Variants in ANKFN1 observed in about 807,000 individuals in gnomAD.
The protein encoded by ANKFN1 is ankyrin repeat and fibronectin type III domain containing 1, also known as ankyrin repeat and fibronectin type-III domain-containing protein 1.
In ANKFN1, 74 loss-of-function variants were observed where a neutral mutation model predicts 108.7. The ratio of observed to expected loss-of-function variants is 0.68; its 90% CI spans 0.56 to 0.83. ANKFN1 has a LOEUF of 0.83. ANKFN1 is among the 40% of genes least tolerant of loss of function. The probability of loss-of-function intolerance (pLI) is 0.00; values close to 1 mark genes in which losing one functional copy is unlikely to be tolerated. For synonymous variants in ANKFN1, 547 were observed against 516.2 expected, an observed-to-expected ratio of 1.06 and a Z score of -0.81; for missense variants, 1,505 against 1,382.3, an observed-to-expected ratio of 1.09 and a Z score of -1.41.
intron 1 of ANKFN1, among the ~76,000 whole-genome samples, chr17:56,199,425 A>G (rs1456271443): frequency 6.6e-6 from 1 of 152,052 alleles, no homozygotes; most frequent in Non-Finnish European, 1.5e-5. Context: ...CTCTTTTCCA[A>G]TACGCAAAGG....
intron 4 of ANKFN1, among the ~76,000 whole-genome samples, chr17:56,082,681 T>A (rs993352346): frequency 6.6e-6 from 1 of 152,194 alleles, no homozygotes; most frequent in Non-Finnish European, 1.5e-5. Context: ...ATCAAAAGTA[T>A]GTTGAGTGCC....
intron 1 of ANKFN1, among the ~76,000 whole-genome samples, chr17:56,210,057 GATAC>G (rs1179770294): frequency 9.0e-5 from 11 of 122,170 alleles, no homozygotes; most frequent in African/African-American, 1.2e-4. Context: ...TAGATAGATA[GATAC>G]ATAGATAGAT....
intron 3 of ANKFN1, among the ~76,000 whole-genome samples, chr17:56,305,842 G>C (rs985352368): frequency 6.6e-6 from 1 of 152,098 alleles, no homozygotes; most frequent in African/African-American, 2.4e-5. Context: ...TTAAGTTGAG[G>C]GTTGTTTTTT....
chr17:56,156,191 T>A (rs1338259966), intron 1 of ANKFN1, among the ~76,000 whole-genome samples: 1 of 151,904 alleles, frequency 6.6e-6, no homozygotes, highest in Non-Finnish European at 1.5e-5. Flanking sequence ...GCAATTCTCA[T>A]GCCTCAACCT....
In ANKFN1 at chr17:56,374,793, G is replaced by A. The variant is rs568260943; in HGVS notation, c.910+79G>A. 10 of 1,196,856 alleles carry A rather than the reference G, an allele frequency of 8.4e-6. No individual in the cohort carries two copies. In the East Asian group the frequency reaches 2.0e-4, roughly 24 times the overall value. 74.1% of individuals were successfully genotyped at this position (1,196,856 alleles called of 1,614,324 possible). On this transcript the variant is annotated intron_variant, in intron 8 of 20. Coordinates refer to ENST00000682825, the MANE Select transcript of ANKFN1 (RefSeq NM_001370326.1). ...TTTGAGAATCAATAGTGCATTTTGTGTGTTTGTTTTTCCTACTGATAGGAA... is the reference window on the plus strand; with the variant it reads ...TTTGAGAATCAATAGTGCATTTTGTATGTTTGTTTTTCCTACTGATAGGAA...
intron 4 of ANKFN1, among the ~76,000 whole-genome samples, chr17:56,050,687 A>C (rs1904759604): frequency 6.6e-6 from 1 of 151,820 alleles, no homozygotes; most frequent in East Asian, 1.9e-4. Flanking sequence ...AGGTTTGTCA[A>C]AGATCAGATA....
chr17:56,185,497 G>A (rs1411080308), intron 1 of ANKFN1, among the ~76,000 whole-genome samples: 1 of 152,264 alleles, frequency 6.6e-6, no homozygotes, highest in Admixed American at 6.5e-5. Flanking sequence ...GAATGGGTCA[G>A]AGCAGGGCTG....
At chr17:56,449,982 G>A (rs1174459321) in intron 11 of ANKFN1, among the ~76,000 whole-genome samples, 1 of 152,202 alleles carries the variant, frequency 6.6e-6, no homozygotes, top group Non-Finnish European at 1.5e-5. Flanking sequence ...TTGGGACAGG[G>A]TCAGATTTCT....
At chr17:56,223,957 T>A (rs1427180518) in intron 2 of ANKFN1, among the ~76,000 whole-genome samples, 1 of 152,246 alleles carries the variant, frequency 6.6e-6, no homozygotes, top group Non-Finnish European at 1.5e-5. Flanking sequence ...TATTTTACAG[T>A]TGAAGGCCTT....
chr17:56,502,995 C>T (rs2051423296), intron 20 of ANKFN1, among the ~76,000 whole-genome samples: 1 of 152,196 alleles, frequency 6.6e-6, no homozygotes, highest in African/African-American at 2.4e-5. Context: ...AAGCATCTCT[C>T]AAGGACCCAA....
At chr17:56,465,915 A>G (rs2050056928) in intron 14 of ANKFN1, among the ~76,000 whole-genome samples, 1 of 152,200 alleles carries the variant, frequency 6.6e-6, no homozygotes, top group Admixed American at 6.5e-5. Flanking sequence ...TCTTCATTTT[A>G]AACAACCCCA....
intron 1 of ANKFN1, among the ~76,000 whole-genome samples, chr17:56,209,959 G>T (rs1447837493): frequency 6.6e-6 from 1 of 151,996 alleles, no homozygotes; most frequent in Non-Finnish European, 1.5e-5. Flanking sequence ...TAGAATAATG[G>T]TCTCCAGTTC....
At chr17:56,317,152 C>A (rs924433897) in intron 3 of ANKFN1, among the ~76,000 whole-genome samples, 1 of 152,106 alleles carries the variant, frequency 6.6e-6, no homozygotes, top group Non-Finnish European at 1.5e-5. Flanking sequence ...TGCTCTATGG[C>A]TTCTTGACAT....
intron 3 of ANKFN1, among the ~76,000 whole-genome samples, chr17:56,246,128 T>G (rs984281848): frequency 2.0e-5 from 3 of 152,126 alleles, no homozygotes; most frequent in Admixed American, 1.3e-4. Flanking sequence ...CAGTAGGAGT[T>G]ACAATGTGAT....
chr17:56,323,368 T>C (rs2045424126), intron 3 of ANKFN1: 1 of 152,646 alleles, frequency 6.6e-6, no homozygotes, highest in African/African-American at 2.4e-5. Flanking sequence ...AAGACTGTGA[T>C]CATTTAACTC....
chr17:56,229,661 C>CAA (rs58714064), intron 3 of ANKFN1, among the ~76,000 whole-genome samples: 516 of 40,036 alleles, frequency 0.013, 12 homozygotes, highest in African/African-American at 0.026. Flanking sequence ...TTTCAGATTG[C>CAA]AAAAAAAAAA....
At position 56,511,269 on chromosome 17, in the gene ANKFN1, G is replaced by A. The variant is rs762640977; in HGVS notation, c.3441G>A (p.Ter1147=). 5.9e-6 allele frequency: 9 copies of A among 1,514,992 alleles called. No homozygotes were observed. In the Admixed American group the frequency reaches 1.6e-4, roughly 27 times the overall value. 93.8% of individuals were successfully genotyped at this position (1,514,992 alleles called of 1,614,324 possible). A position where few individuals can be genotyped will look rare whatever the true frequency, so the allele number is the denominator to read the frequency against. ...PMSEILSSML[*] Reference sequence around the variant, plus strand: ...CAGAAATACTCAGCAGCATGCTTTAGGGAGGCCCATCCCGGCTGTCCACCC... The same window carrying A: ...CAGAAATACTCAGCAGCATGCTTTAAGGAGGCCCATCCCGGCTGTCCACCC... The change falls in exon 21 of 21, where the codon TAG becomes TAA. Residue 1147 remains the stop codon, a stop_retained_variant. Coordinates refer to ENST00000682825, the MANE Select transcript of ANKFN1 (RefSeq NM_001370326.1).
chr17:56,164,280 G>C (rs188658586), intron 1 of ANKFN1, among the ~76,000 whole-genome samples: 2 of 152,216 alleles, frequency 1.3e-5, no homozygotes, highest in South Asian at 4.1e-4. Context: ...TTTCAGCCTA[G>C]ATGCCAGATC....
intron 8 of ANKFN1, among the ~76,000 whole-genome samples, chr17:56,408,915 T>A (rs1020372662): frequency 1.6e-4 from 24 of 151,420 alleles, no homozygotes; most frequent in African/African-American, 5.9e-4. Context: ...AAATGGTAAA[T>A]GCTTTTAAGA....
Sources: allele counts gnomAD v4.1 joint callset (sites outside exome capture counted in the v4.1 genomes callset), GRCh38; gene constraint gnomAD v4.1.1; transcripts MANE v1.5; gene names NCBI Gene and HGNC (gene_info 2026-07-23, HGNC 2026-07-21).